CCT3: variants seen among roughly 807,000 people sequenced by gnomAD.
CCT3 encodes chaperonin containing TCP1 subunit 3, also known as T-complex protein 1 subunit gamma.
A neutral mutation model predicts 65.3 loss-of-function variants in CCT3; 10 were observed. The ratio of observed to expected loss-of-function variants is 0.15; its 90% CI spans 0.09 to 0.26. The LOEUF (loss-of-function observed/expected upper bound fraction) is 0.26, where lower values mean the gene tolerates loss of function less well. Among genes scored for constraint, CCT3 ranks in the 10% least tolerant of loss-of-function variants. The pLI, the probability that CCT3 is intolerant of heterozygous loss-of-function variation, is 1.00. For missense variants in CCT3, 626 were observed against 708.7 expected (o/e 0.88, Z 1.33); for synonymous variants, 225 against 242.3 (o/e 0.93, Z 0.66).
intron 5 of CCT3, among the ~76,000 whole-genome samples, chr1:156,326,753 C>T (rs534356642): frequency 6.6e-6 from 1 of 151,446 alleles, no homozygotes; most frequent in Non-Finnish European, 1.5e-5. Flanking sequence ...TAAAATTTGT[C>T]TTTACTTTCT....
intron 5 of CCT3, among the ~76,000 whole-genome samples, chr1:156,328,191 A>C: frequency 1.1e-5 from 1 of 93,586 alleles, no homozygotes; most frequent in Non-Finnish European, 2.4e-5. Flanking sequence ...CCCGTCCGGG[A>C]GGGAGGTGGG....
At chr1:156,327,335 T>C (rs1226064761) in intron 5 of CCT3, among the ~76,000 whole-genome samples, 1 of 152,174 alleles carries the variant, frequency 6.6e-6, no homozygotes, top group Non-Finnish European at 1.5e-5. Context: ...CTCCCTCTGA[T>C]GCCGAGCTGA....
chr1:156,332,042 A>G (rs1422120029), intron 5 of CCT3, among the ~76,000 whole-genome samples: 4 of 129,300 alleles, frequency 3.1e-5, no homozygotes, highest in South Asian at 5.5e-4. Context: ...CAAAAAAAAA[A>G]AGAGACATGG....
intron 5 of CCT3, among the ~76,000 whole-genome samples, chr1:156,331,930 G>A (rs1252759526): frequency 6.6e-6 from 1 of 151,972 alleles, no homozygotes; most frequent in Admixed American, 6.6e-5. Context: ...TACTTGGAAG[G>A]CTAAGGCAGG....
intron 11 of CCT3, 85 bp downstream of exon 11, chr1:156,311,956 C>T (rs1664101224): frequency 2.7e-6 from 3 of 1,111,410 alleles, no homozygotes; most frequent in Non-Finnish European, 3.7e-6. Flanking sequence ...ATAAATGGAC[C>T]ACAGAATTAT....
chr1:156,325,075 A>G lies in CCT3; in HGVS notation c.319T>C (p.Ser107Pro). Residue 107 changes from serine to proline, a missense_variant, in exon 6 of 14, where the codon TCT (serine) becomes CCT (proline). Transcript: ENST00000295688. ...TGCTCCAGGAAGTGCTCAGCTACAG[A>G]CAGCATTTCCCCTGCTGAAAAAGAT... ...SVIILAGEMLSVAEHFLEQQM... is the reference protein window; with the variant it reads ...SVIILAGEMLPVAEHFLEQQM... 4 of 1,611,516 alleles carry G rather than the reference A, an allele frequency of 2.5e-6. No homozygotes were observed. The highest frequency in any genetic ancestry group is 3.4e-6 in the Non-Finnish European group (4 of 1,178,742).
chr1:156,320,802 T>C, intron 7 of CCT3, 37 bp downstream of exon 7: 1 of 1,374,846 alleles, frequency 7.3e-7, no homozygotes, highest in Non-Finnish European at 1.0e-6. Context: ...CATGCTAACA[T>C]ATAATTTGAC....
chr1:156,333,975 C>T (rs1665221263), intron 4 of CCT3, among the ~76,000 whole-genome samples: 1 of 152,192 alleles, frequency 6.6e-6, no homozygotes, highest in Admixed American at 6.5e-5. Context: ...TGGTGGCTCA[C>T]ATCTGTAATC....
At chr1:156,333,402 C>A (rs1418205880) in intron 5 of CCT3, 145 bp downstream of exon 5, 1 of 610,420 alleles carries the variant, frequency 1.6e-6, no homozygotes, top group Non-Finnish European at 2.9e-6. Flanking sequence ...ATGTTTTATA[C>A]CCAACTGGAG....
intron 6 of CCT3, among the ~76,000 whole-genome samples, chr1:156,322,698 A>G (rs1239347541): frequency 2.0e-5 from 3 of 151,932 alleles, no homozygotes; most frequent in Admixed American, 6.6e-5. Flanking sequence ...CGTCTCTACT[A>G]AAAATACAAA....
intron 4 of CCT3, among the ~76,000 whole-genome samples, chr1:156,334,267 A>T (rs899804768): frequency 6.6e-6 from 1 of 151,842 alleles, no homozygotes; most frequent in Non-Finnish European, 1.5e-5. Context: ...AGATATGTTG[A>T]AGTCATAACT....
At chr1:156,314,544 G>A (rs1278407787) in intron 10 of CCT3, among the ~76,000 whole-genome samples, 6 of 151,438 alleles carry the variant, frequency 4.0e-5, no homozygotes, top group African/African-American at 1.2e-4. Context: ...GAGAAACCCC[G>A]TCTCTACTAA....
intron 6 of CCT3, among the ~76,000 whole-genome samples, chr1:156,324,617 GT>G (rs1664723798): frequency 6.6e-6 from 1 of 151,774 alleles, no homozygotes; most frequent in Non-Finnish European, 1.5e-5. Context: ...CATTACAGGT[GT>G]GCGCCACCAT....
intron 6 of CCT3, among the ~76,000 whole-genome samples, chr1:156,322,025 G>A (rs912551448): frequency 1.1e-4 from 16 of 152,198 alleles, no homozygotes; most frequent in Non-Finnish European, 2.1e-4. Context: ...GAAGACTGAG[G>A]ATAGCTGGAA....
At chr1:156,311,247 T>C (rs762962408) in intron 11 of CCT3, 52 bp from the exon 12 acceptor site, 2 of 1,573,326 alleles carry the variant, frequency 1.3e-6, no homozygotes, top group Non-Finnish European at 1.7e-6. Flanking sequence ...ACTCATAAAA[T>C]CGGAGGCACC....
chr1:156,322,253 T>C (rs1050131257), intron 6 of CCT3, among the ~76,000 whole-genome samples: 5 of 152,152 alleles, frequency 3.3e-5, no homozygotes, highest in Non-Finnish European at 5.9e-5. Context: ...AATAATTTTT[T>C]TGGGAGGCCG....
At chr1:156,335,490 TCTAC>T in intron 2 of CCT3, 1 of 266,924 alleles carries the variant, frequency 3.7e-6, no homozygotes, top group Non-Finnish European at 7.0e-6. Flanking sequence ...CTATCCAAGA[TCTAC>T]GGTGGGCACT....
At chr1:156,328,032 A>G (rs1664914691) in intron 5 of CCT3, among the ~76,000 whole-genome samples, 1 of 72,456 alleles carries the variant, frequency 1.4e-5, no homozygotes, top group Admixed American at 1.4e-4. Context: ...CCCGTCCGGG[A>G]GGGAGGTGGG....
At chr1:156,309,511 C>T (rs1663985810) in intron 13 of CCT3, among the ~76,000 whole-genome samples, 1 of 151,964 alleles carries the variant, frequency 6.6e-6, no homozygotes, top group Non-Finnish European at 1.5e-5. Flanking sequence ...ACTGCAACCT[C>T]CGCCTCCCGG....
Sources: gnomAD v4.1 joint callset for allele counts (sites outside exome capture counted in the v4.1 genomes callset) on GRCh38, gnomAD v4.1.1 for gene constraint, MANE v1.5 for transcripts, NCBI Gene and HGNC (gene_info 2026-07-23, HGNC 2026-07-21) for gene names.